SGCD: variants seen among roughly 807,000 people sequenced by gnomAD.
SGCD encodes sarcoglycan delta, also known as delta-sarcoglycan.
In SGCD, 18 loss-of-function variants were observed where a neutral mutation model predicts 36.6. The ratio of observed to expected loss-of-function variants is 0.49; its 90% CI spans 0.34 to 0.73. SGCD has a LOEUF of 0.73. Ranked by LOEUF, SGCD falls within the 30% of genes least tolerant of loss-of-function variation. The pLI is 0.01. For synonymous variants in SGCD, 133 were observed against 130.6 expected, an observed-to-expected ratio of 1.02 and a Z score of -0.12; for missense variants, 387 against 346.7, an observed-to-expected ratio of 1.12 and a Z score of -0.92.
intron 3 of SGCD, among the ~76,000 whole-genome samples, chr5:156,162,368 G>A (rs1422483137): frequency 6.6e-6 from 1 of 151,418 alleles, no homozygotes; most frequent in African/African-American, 2.5e-5. Context: ...TGTTATGAGG[G>A]TGTTAAACTT....
intron 6 of SGCD, among the ~76,000 whole-genome samples, chr5:156,635,630 C>T (rs1321692622): frequency 6.6e-6 from 1 of 152,092 alleles, no homozygotes; most frequent in Non-Finnish European, 1.5e-5. Context: ...GACTTGGAAC[C>T]AAGCCAAATG....
intron 3 of SGCD, among the ~76,000 whole-genome samples, chr5:156,494,034 G>A (rs571069625): frequency 2.0e-5 from 3 of 152,086 alleles, no homozygotes; most frequent in Non-Finnish European, 1.5e-5. Context: ...TTGGCATGGC[G>A]GGGTGTCACT....
chr5:155,846,362 A>G, the SGCD span, among the ~76,000 whole-genome samples: 2 of 152,202 alleles, frequency 1.3e-5, no homozygotes, highest in Admixed American at 6.5e-5. Context: ...TTAGCTTTTC[A>G]GGAATATAGA....
At chr5:155,914,739 A>G (rs2113363728) in intron 1 of SGCD, among the ~76,000 whole-genome samples, 1 of 152,268 alleles carries the variant, frequency 6.6e-6, no homozygotes, top group African/African-American at 2.4e-5. Context: ...TATTGGAGGG[A>G]AGTGTTCTTA....
chr5:156,561,816 T>C (rs775262323), intron 4 of SGCD, among the ~76,000 whole-genome samples: 1 of 152,208 alleles, frequency 6.6e-6, no homozygotes, highest in Non-Finnish European at 1.5e-5. Context: ...AATCAGTAAT[T>C]TGGGTTTAAA....
At chr5:156,658,657 T>C (rs1763784990) in intron 7 of SGCD, among the ~76,000 whole-genome samples, 1 of 76,662 alleles carries the variant, frequency 1.3e-5, no homozygotes, top group African/African-American at 6.5e-5. Context: ...ATTTGATCTC[T>C]CTTGCTTTTC....
At chr5:155,790,620 A>C in the SGCD span, among the ~76,000 whole-genome samples, 2 of 152,130 alleles carry the variant, frequency 1.3e-5, no homozygotes, top group African/African-American at 2.4e-5. Context: ...AAGCATGAGC[A>C]ATGTGGAACT....
chr5:155,740,749 C>T, the SGCD span, among the ~76,000 whole-genome samples: 1 of 152,178 alleles, frequency 6.6e-6, no homozygotes, highest in African/African-American at 2.4e-5. Flanking sequence ...TCACTGGTTG[C>T]TGTCTCTTGT....
the SGCD span, among the ~76,000 whole-genome samples, chr5:155,842,690 AAACT>A: frequency 6.6e-6 from 1 of 152,212 alleles, no homozygotes; most frequent in Non-Finnish European, 1.5e-5. Flanking sequence ...TGTATTATGA[AAACT>A]AACAAAATAG....
intron 2 of SGCD, among the ~76,000 whole-genome samples, chr5:156,336,518 T>G (rs1768362800): frequency 6.6e-6 from 1 of 152,250 alleles, no homozygotes; most frequent in South Asian, 2.1e-4. Flanking sequence ...CCATACCATT[T>G]AAAACAGTCT....
chr5:156,086,056 G>A (rs78501373), intron 1 of SGCD, among the ~76,000 whole-genome samples: 3,082 of 152,122 alleles, frequency 0.02, 44 homozygotes, highest in Non-Finnish European at 0.035. Context: ...TTTCATAGTG[G>A]TTTCTCTGGC....
the SGCD span, among the ~76,000 whole-genome samples, chr5:155,741,500 T>G: frequency 1.3e-5 from 2 of 152,086 alleles, no homozygotes; most frequent in Admixed American, 1.3e-4. Context: ...AAAGTCAGGT[T>G]GGAATTTGGT....
At position 156,420,735 on chromosome 5, in the gene SGCD, T is replaced by A. The variant is rs114221172; in HGVS notation, c.192+76058T>A. On this transcript the variant is annotated intron_variant, in intron 3 of 8. Coordinates refer to ENST00000337851, the MANE Select transcript of SGCD (RefSeq NM_000337.6). ...CTTTACTGTGTAATTGCTAAGACAATTAGCTGCAAGCTACAGCTACTATTC... is the reference window on the plus strand; with the variant it reads ...CTTTACTGTGTAATTGCTAAGACAAATAGCTGCAAGCTACAGCTACTATTC... Among the ~76,000 whole-genome samples the A allele has an allele frequency of 2.6e-3, 395 of 152,268 alleles. 2 individuals are homozygous for A. The highest frequency in any genetic ancestry group is 3.7e-3 in the Non-Finnish European group (250 of 68,016).
intron 1 of SGCD, among the ~76,000 whole-genome samples, chr5:155,934,125 C>A (rs1757151295): frequency 1.3e-5 from 2 of 152,166 alleles, no homozygotes; most frequent in African/African-American, 2.4e-5. Context: ...GATTGACAAT[C>A]CTATCAAGAC....
intron 3 of SGCD, among the ~76,000 whole-genome samples, chr5:156,453,232 C>G (rs767396775): frequency 6.6e-6 from 1 of 152,082 alleles, no homozygotes; most frequent in African/African-American, 2.4e-5. Flanking sequence ...AGCACTGTCA[C>G]ATGGAAGAGG....
At chr5:156,224,448 A>G (rs1764797484) in intron 3 of SGCD, among the ~76,000 whole-genome samples, 1 of 152,138 alleles carries the variant, frequency 6.6e-6, no homozygotes, top group Admixed American at 6.6e-5. Flanking sequence ...AAAAGACCAG[A>G]TAGATTTGTA....
intron 3 of SGCD, among the ~76,000 whole-genome samples, chr5:156,391,380 G>T (rs781532043): frequency 1.3e-5 from 2 of 152,200 alleles, no homozygotes; most frequent in Non-Finnish European, 2.9e-5. Flanking sequence ...TGCCTATTGT[G>T]AAATGACGCA....
chr5:155,995,190 G>A (rs766625724), intron 1 of SGCD, among the ~76,000 whole-genome samples: 2 of 152,136 alleles, frequency 1.3e-5, no homozygotes, highest in African/African-American at 4.8e-5. Flanking sequence ...CATAAAAAAG[G>A]ACTTAAAAAT....
At chr5:156,723,654 T>C (rs1755622666) in intron 7 of SGCD, among the ~76,000 whole-genome samples, 1 of 152,146 alleles carries the variant, frequency 6.6e-6, no homozygotes, top group Non-Finnish European at 1.5e-5. Flanking sequence ...GGGTGATGCT[T>C]GACTTGCGCT....
Sources: allele counts gnomAD v4.1 joint callset (sites outside exome capture counted in the v4.1 genomes callset), GRCh38; gene constraint gnomAD v4.1.1; transcripts MANE v1.5; gene names NCBI Gene and HGNC (gene_info 2026-07-23, HGNC 2026-07-21).